The following HEMGN variants were observed in gnomAD, a reference collection of about 807,000 sequenced individuals.
The protein encoded by HEMGN is hemogen.
A neutral mutation model predicts 45.7 loss-of-function variants in HEMGN; 32 were observed. The observed-to-expected ratio is 0.70, with a 90% CI of 0.53 to 0.94. The LOEUF (loss-of-function observed/expected upper bound fraction) is 0.94. Ranked by LOEUF, HEMGN falls within the 40% of genes least tolerant of loss-of-function variation. HEMGN has a pLI of 0.00. For synonymous variants in HEMGN, 183 were observed against 178.6 expected, an observed-to-expected ratio of 1.02 and a Z score of -0.20; for missense variants, 530 against 564.2, an observed-to-expected ratio of 0.94 and a Z score of 0.61.
Position 97,930,491 on chromosome 9 carries a change from G to T in HEMGN, c.904C>A (p.Gln302Lys). Residue 302 changes from glutamine to lysine, a missense_variant, in exon 3 of 4, where the codon CAA becomes AAA. Physicochemically the swap from Gln to Lys is moderately conservative, Grantham distance 53 (BLOSUM62 1). Transcript: ENST00000616898. ...AGGTCTTTAGGCTCAGCTATTTCTTGTATTTTAGGAAAAAGGCCTTCTGTC... is the reference window on the plus strand; with the variant it reads ...AGGTCTTTAGGCTCAGCTATTTCTTTTATTTTAGGAAAAAGGCCTTCTGTC... ...AETEGLFPKI[Q>K]EIAEPKDLST... The T allele has an allele frequency of 6.2e-7, 1 of 1,613,908 alleles. No homozygotes were observed. Among genetic ancestry groups the T allele is most frequent in the Non-Finnish European group, 8.5e-7 (1 of 1,179,876 alleles).
intron 3 of HEMGN, among the ~76,000 whole-genome samples, chr9:97,927,827 G>GT (rs1049009388): frequency 1.3e-5 from 2 of 151,972 alleles, no homozygotes; most frequent in Non-Finnish European, 2.9e-5. Flanking sequence ...ATTTAAAGAG[G>GT]TTTTTTAATC....
intron 2 of HEMGN, among the ~76,000 whole-genome samples, chr9:97,934,657 T>C (rs1471895513): frequency 6.6e-6 from 1 of 152,094 alleles, no homozygotes; most frequent in Non-Finnish European, 1.5e-5. Flanking sequence ...CACGTGTTCC[T>C]AAAAAAACCT....
upstream of HEMGN, among the ~76,000 whole-genome samples, chr9:97,939,948 A>G (rs1827127948): frequency 6.6e-6 from 1 of 152,214 alleles, no homozygotes; most frequent in African/African-American, 2.4e-5. Context: ...ATTTTCAGAT[A>G]TGGGGTTTAA....
Position 97,931,120 on chromosome 9 carries a change from A to C in HEMGN, c.275T>G (p.Ile92Arg). ...TELKVEPQPQ[I>R]EKEIVEKALA... ...TGCTTTCTCCACTATTTCCTTTTCTATCTGTGGCTGAGGCTCCACCTTCAA... is the reference window on the plus strand; with the variant it reads ...TGCTTTCTCCACTATTTCCTTTTCTCTCTGTGGCTGAGGCTCCACCTTCAA... Residue 92 changes from isoleucine (I) to arginine (R), a missense_variant, in exon 3 of 4, where the codon ATA (isoleucine) becomes AGA (arginine). Physicochemically the swap from Ile to Arg is moderately conservative, Grantham distance 97. Transcript: ENST00000616898. 1.2e-6 allele frequency: 2 copies of C among 1,613,886 alleles called. No individual in the cohort carries two copies. The highest frequency in any genetic ancestry group is 1.7e-6 in the Non-Finnish European group (2 of 1,179,996).
Position 97,927,193 on chromosome 9 carries a change from ACACACAT to A in HEMGN, c.*184_*190del. ...TACACACACACACACACACACACAC[ACACACAT>A]TCTAGCATGATATTGTCTATGTGGT... On this transcript the variant is annotated 3_prime_UTR_variant, in exon 4 of 4. Coordinates refer to ENST00000616898, the MANE Select transcript of HEMGN (RefSeq NM_197978.3). The A allele has an allele frequency of 2.3e-6, 1 of 426,660 alleles. No individual in the cohort carries two copies. The highest frequency in any genetic ancestry group is 4.2e-6 in the Non-Finnish European group (1 of 235,882). 26.4% of individuals were successfully genotyped at this position (426,660 alleles called of 1,614,324 possible).
intron 2 of HEMGN, among the ~76,000 whole-genome samples, chr9:97,935,254 G>A (rs1031341003): frequency 3.3e-5 from 5 of 152,272 alleles, no homozygotes; most frequent in Middle Eastern, 6.8e-3. Flanking sequence ...AGTCCACAGC[G>A]GGGTTTGGGG....
At chr9:97,934,296 G>A (rs893417989) in intron 2 of HEMGN, among the ~76,000 whole-genome samples, 2 of 151,984 alleles carry the variant, frequency 1.3e-5, no homozygotes, top group African/African-American at 4.8e-5. Flanking sequence ...GCAGTGAGCC[G>A]AGATTGTGCC....
At chr9:97,927,955 G>A (rs907779998) in intron 3 of HEMGN, among the ~76,000 whole-genome samples, 1 of 151,272 alleles carries the variant, frequency 6.6e-6, no homozygotes, top group African/African-American at 2.4e-5. Flanking sequence ...AAAAGGGGGT[G>A]ATTAAGACCA....
Position 97,930,157 on chromosome 9 carries a change from T to G in HEMGN, c.1238A>C (p.Tyr413Ser). Reference protein sequence around the residue: ...PGPEDLSTETYKNKDVPKECF... With the variant: ...PGPEDLSTETSKNKDVPKECF... ...TTCTTTAGGCACATCCTTATTTTTATATGTCTCAGTAGAGAGGTCTTCAGG... is the reference window on the plus strand; with the variant it reads ...TTCTTTAGGCACATCCTTATTTTTAGATGTCTCAGTAGAGAGGTCTTCAGG... Residue 413 changes from tyrosine to serine, a missense_variant, in exon 3 of 4, where the codon TAT becomes TCT. By Grantham distance (144) the Tyr-to-Ser change is moderately radical. Transcript: ENST00000616898. 1 of 1,614,202 alleles carries G rather than the reference T, an allele frequency of 6.2e-7. No homozygotes were observed.
intron 2 of HEMGN, among the ~76,000 whole-genome samples, chr9:97,932,534 G>A (rs1345444246): frequency 2.0e-5 from 3 of 152,132 alleles, no homozygotes; most frequent in Non-Finnish European, 4.4e-5. Context: ...GGCCGGGTGC[G>A]TTGGCTCACG....
At position 97,930,596 on chromosome 9, in the gene HEMGN, G is replaced by A. The variant is rs1171803323; in HGVS notation, c.799C>T (p.Pro267Ser). The change falls in exon 3 of 4, where the codon CCT becomes TCT. Residue 267 changes from proline to serine, a missense_variant. Transcript: ENST00000616898. ...SLQAYPKPDV[P>S]KGYILDTDQN... ...TCTGTGTCAAGAATATAGCCTTTAG[G>A]CACATCTGGTTTTGGATATGCTTGA... The A allele has an allele frequency of 6.2e-7, 1 of 1,614,062 alleles. No homozygotes were observed. The highest frequency in any genetic ancestry group is 1.7e-5 in the Admixed American group (1 of 60,004).
chr9:97,938,719 A>G (rs3758254), upstream of HEMGN, among the ~76,000 whole-genome samples: 46,113 of 152,098 alleles, frequency 0.3, 7,742 homozygotes, highest in Non-Finnish European at 0.37. Context: ...TCCTGTATGT[A>G]GCTTTTTTCA....
chr9:97,942,865 C>T (rs181489291), upstream of HEMGN, among the ~76,000 whole-genome samples: 3 of 152,282 alleles, frequency 2.0e-5, no homozygotes, highest in Admixed American at 1.3e-4. Context: ...TGCCCCAAAG[C>T]TAACGCCATT....
chr9:97,934,455 G>A (rs1376472792), intron 2 of HEMGN, among the ~76,000 whole-genome samples: 2 of 103,670 alleles, frequency 1.9e-5, no homozygotes, highest in East Asian at 3.9e-4. Flanking sequence ...GAGGGGAGGG[G>A]GGAGGGGAGG....
upstream of HEMGN, among the ~76,000 whole-genome samples, chr9:97,939,025 G>C (rs141726222): frequency 6.6e-6 from 1 of 152,250 alleles, no homozygotes; most frequent in African/African-American, 2.4e-5. Context: ...TGAAGACAAG[G>C]AGCCACAGAC....
chr9:97,942,352 A>G (rs1309556193), upstream of HEMGN, among the ~76,000 whole-genome samples: 3 of 147,662 alleles, frequency 2.0e-5, no homozygotes, highest in African/African-American at 7.5e-5. Context: ...GCACAATCAC[A>G]GTTCACTGCA....
intron 2 of HEMGN, 135 bp from the exon 3 acceptor site, chr9:97,931,356 A>T (rs1454967288): frequency 1.6e-6 from 1 of 633,510 alleles, no homozygotes; most frequent in South Asian, 2.1e-5. Context: ...TCTGGGCCTC[A>T]ATCTCCTTGT....
upstream of HEMGN, among the ~76,000 whole-genome samples, chr9:97,943,086 A>T (rs1331954049): frequency 1.3e-5 from 2 of 152,190 alleles, no homozygotes; most frequent in Non-Finnish European, 2.9e-5. Context: ...TCTGATCCTC[A>T]GTTTCTTCCC....
intron 2 of HEMGN, among the ~76,000 whole-genome samples, chr9:97,931,948 GCAAATACAAC>G (rs1170298600): frequency 6.6e-6 from 1 of 152,170 alleles, no homozygotes; most frequent in Non-Finnish European, 1.5e-5. Context: ...GTTAGGCACT[GCAAATACAAC>G]CAAATACAGA....
Sources: gnomAD v4.1 joint callset for allele counts (sites outside exome capture counted in the v4.1 genomes callset) on GRCh38, gnomAD v4.1.1 for gene constraint, MANE v1.5 for transcripts, NCBI Gene and HGNC (gene_info 2026-07-23, HGNC 2026-07-21) for gene names.